Variants in GPHN observed in about 807,000 individuals in gnomAD.
GPHN encodes gephyrin.
In GPHN, 17 loss-of-function variants were observed where a neutral mutation model predicts 95.5. The observed-to-expected ratio is 0.18, with a 90% CI of 0.12 to 0.27. The LOEUF (loss-of-function observed/expected upper bound fraction) is 0.27, where lower values mean the gene tolerates loss of function less well. GPHN is among the 10% of genes least tolerant of loss of function. The probability of loss-of-function intolerance (pLI) is 1.00; values close to 1 mark genes in which losing one functional copy is unlikely to be tolerated. For synonymous variants in GPHN, 320 were observed against 322.5 expected (o/e 0.99, Z 0.08); for missense variants, 660 against 978.1 (o/e 0.67, Z 4.34).
the GPHN span, among the ~76,000 whole-genome samples, chr14:67,352,056 G>A: frequency 9.9e-5 from 15 of 151,834 alleles, no homozygotes; most frequent in Admixed American, 8.5e-4. Context: ...AGGATGAGGT[G>A]GAATGATCAC....
chr14:67,215,547 T>C, the GPHN span, among the ~76,000 whole-genome samples: 1 of 149,902 alleles, frequency 6.7e-6, no homozygotes, highest in Admixed American at 6.6e-5. Flanking sequence ...AGAGTGAGAG[T>C]AAAGTAGGAA....
At chr14:67,263,642 T>C in the GPHN span, among the ~76,000 whole-genome samples, 2 of 152,324 alleles carry the variant, frequency 1.3e-5, no homozygotes, top group South Asian at 2.1e-4. Context: ...GTGTTTTGGC[T>C]CTACCACTTA....
the GPHN span, chr14:67,397,749 C>T: frequency 6.2e-7 from 1 of 1,613,394 alleles, no homozygotes; most frequent in South Asian, 1.1e-5. Context: ...CTCTCCGACC[C>T]CCCTCAAGCT....
the GPHN span, among the ~76,000 whole-genome samples, chr14:67,286,855 CAAAAA>C: frequency 1.5e-5 from 1 of 67,226 alleles, no homozygotes. Flanking sequence ...GACCTGGTCT[CAAAAA>C]AAAAAAAAAA....
chr14:67,445,739 T>C, the GPHN span, among the ~76,000 whole-genome samples: 1 of 151,700 alleles, frequency 6.6e-6, no homozygotes, highest in Non-Finnish European at 1.5e-5. Context: ...TGAGTGCCAC[T>C]ACACCTGGCT....
Position 67,168,972 on chromosome 14 carries a change from T to C in GPHN, c.2015T>C (p.Val672Ala). Reference sequence around the variant, plus strand: ...GCTGTGGTCACCTGCAATCTCTTTGTTGTGCCTGCACTGAGGAAAATGCAG... The same window carrying C: ...GCTGTGGTCACCTGCAATCTCTTTGCTGTGCCTGCACTGAGGAAAATGCAG... ...VSAVVTCNLF[V>A]VPALRKMQGI... Residue 672 changes from valine (V) to alanine (A), a missense_variant, in exon 21 of 23, where the codon GTT becomes GCT. By Grantham distance (64) the Val-to-Ala change is moderately conservative (BLOSUM62 0). Coordinates refer to ENST00000478722, the MANE Select transcript of GPHN (RefSeq NM_020806.5). The C allele has an allele frequency of 6.2e-7, 1 of 1,613,544 alleles. No individual in the cohort carries two copies. The highest frequency in any genetic ancestry group is 8.5e-7 in the Non-Finnish European group (1 of 1,179,436).
chr14:67,212,589 GAA>G, the GPHN span, among the ~76,000 whole-genome samples: 323 of 100,334 alleles, frequency 3.2e-3, no homozygotes, highest in African/African-American at 0.011. Flanking sequence ...AGACCCTGTT[GAA>G]AAAAAAAATA....
At chr14:67,143,917 C>T (rs566921323) in intron 18 of GPHN, among the ~76,000 whole-genome samples, 2 of 151,866 alleles carry the variant, frequency 1.3e-5, no homozygotes, top group African/African-American at 4.8e-5. Context: ...CCTTTTGCTC[C>T]TCCTTACAAA....
chr14:67,668,653 AAC>A, the GPHN span, among the ~76,000 whole-genome samples: 1 of 116,670 alleles, frequency 8.6e-6, no homozygotes, highest in Non-Finnish European at 2.3e-5. Context: ...GTACTTAGGA[AAC>A]ACAGTGAAAA....
intron 11 of GPHN, among the ~76,000 whole-genome samples, chr14:67,078,185 C>T (rs1351914599): frequency 6.6e-6 from 1 of 152,150 alleles, no homozygotes; most frequent in Non-Finnish European, 1.5e-5. Context: ...TGAAAAGCTG[C>T]AAATTCCCGA....
the GPHN span, among the ~76,000 whole-genome samples, chr14:67,288,210 G>C: frequency 6.6e-6 from 1 of 152,188 alleles, no homozygotes; most frequent in Middle Eastern, 3.4e-3. Flanking sequence ...CTCCCAAGTA[G>C]CTGGCACTTT....
the GPHN span, chr14:67,587,135 C>T: frequency 1.9e-6 from 3 of 1,613,970 alleles, no homozygotes; most frequent in East Asian, 2.2e-5. Context: ...ACTGTGAACC[C>T]CCCCACCAAC....
At chr14:67,411,868 T>G in the GPHN span, 1 of 663,144 alleles carries the variant, frequency 1.5e-6, no homozygotes, top group Non-Finnish European at 2.4e-6. Context: ...GCTCTGCCCA[T>G]CAGGGCCACA....
intron 1 of GPHN, among the ~76,000 whole-genome samples, chr14:66,539,309 T>A (rs2059260283): frequency 6.6e-6 from 1 of 152,130 alleles, no homozygotes; most frequent in Non-Finnish European, 1.5e-5. Context: ...CCCAGCCTCC[T>A]TCATTACTTA....
At chr14:66,682,441 G>A (rs1346555216) in intron 2 of GPHN, among the ~76,000 whole-genome samples, 1 of 152,112 alleles carries the variant, frequency 6.6e-6, no homozygotes, top group Non-Finnish European at 1.5e-5. Flanking sequence ...AAAAGACTTT[G>A]CTTATTTGAA....
At chr14:66,951,879 C>A (rs186823700) in intron 8 of GPHN, among the ~76,000 whole-genome samples, 1,664 of 152,044 alleles carry the variant, frequency 0.011, 18 homozygotes, top group Middle Eastern at 0.017. Flanking sequence ...GAAATTGGAC[C>A]CCCTATCTCA....
chr14:67,148,584 A>G (rs1160507109), intron 18 of GPHN, among the ~76,000 whole-genome samples: 2 of 130,290 alleles, frequency 1.5e-5, no homozygotes, highest in Non-Finnish European at 3.1e-5. Context: ...TTTTTGAGAC[A>G]GAGGCTCGCT....
chr14:67,650,928 T>C, the GPHN span: 5 of 1,612,788 alleles, frequency 3.1e-6, no homozygotes, highest in Non-Finnish European at 3.4e-6. Context: ...TAGGAGACAC[T>C]GTGCACTGAC....
intron 1 of GPHN, among the ~76,000 whole-genome samples, chr14:66,615,914 G>T (rs142074129): frequency 1.3e-5 from 2 of 151,830 alleles, no homozygotes; most frequent in Non-Finnish European, 2.9e-5. Context: ...GTAAGGAAGG[G>T]TCCAGTTTCA....
Sources: allele counts gnomAD v4.1 joint callset (sites outside exome capture counted in the v4.1 genomes callset), GRCh38; gene constraint gnomAD v4.1.1; transcripts MANE v1.5; gene names NCBI Gene and HGNC (gene_info 2026-07-23, HGNC 2026-07-21).